Variants in OR9Q1 observed in about 807,000 individuals in gnomAD.
OR9Q1 encodes the protein olfactory receptor 9Q1.
For missense variants in OR9Q1, 374 were observed against 378.8 expected (o/e 0.99, Z 0.11); for synonymous variants, 153 against 148.6 (o/e 1.03, Z -0.22).
At chr11:58,134,595 G>T (rs1854173639) in intron 2 of OR9Q1, among the ~76,000 whole-genome samples, 1 of 152,228 alleles carries the variant, frequency 6.6e-6, no homozygotes, top group African/African-American at 2.4e-5. Context: ...AGAAGTGTAA[G>T]AGATTTAGGG....
At chr11:58,139,629 C>T (rs1038931879) in intron 2 of OR9Q1, among the ~76,000 whole-genome samples, 2 of 152,066 alleles carry the variant, frequency 1.3e-5, no homozygotes, top group Non-Finnish European at 2.9e-5. Flanking sequence ...TTTTTTATGG[C>T]TGCATAGTAT....
At chr11:58,027,074 T>G (rs1443838225) in intron 1 of OR9Q1, among the ~76,000 whole-genome samples, 1 of 152,186 alleles carries the variant, frequency 6.6e-6, no homozygotes, top group African/African-American at 2.4e-5. Context: ...TGATTTGGAA[T>G]TCAAGAAAAG....
intron 2 of OR9Q1, among the ~76,000 whole-genome samples, chr11:58,088,716 G>A (rs1018878303): frequency 6.6e-6 from 1 of 151,690 alleles, no homozygotes; most frequent in Non-Finnish European, 1.5e-5. Flanking sequence ...GTGGATTCTG[G>A]ATATCAGACT....
chr11:58,149,484 C>G (rs1854329634), intron 2 of OR9Q1, among the ~76,000 whole-genome samples: 1 of 152,060 alleles, frequency 6.6e-6, no homozygotes, highest in African/African-American at 2.4e-5. Flanking sequence ...AAAAATTTAC[C>G]ATTTTAACCA....
intron 2 of OR9Q1, among the ~76,000 whole-genome samples, chr11:58,092,114 T>C (rs1284566694): frequency 2.0e-5 from 3 of 152,172 alleles, no homozygotes; most frequent in East Asian, 3.8e-4. Flanking sequence ...CCAGTCTGTG[T>C]CTCTTAATTG....
chr11:58,150,957 G>C (rs999206333), intron 2 of OR9Q1, among the ~76,000 whole-genome samples: 2 of 152,018 alleles, frequency 1.3e-5, no homozygotes, highest in Non-Finnish European at 2.9e-5. Context: ...ATGTGCTTTT[G>C]GTATGATACC....
At chr11:58,039,012 C>T (rs1276223477) in intron 1 of OR9Q1, among the ~76,000 whole-genome samples, 2 of 151,964 alleles carry the variant, frequency 1.3e-5, no homozygotes, top group South Asian at 2.1e-4. Flanking sequence ...TATTTTGAGA[C>T]AGGGTCTCAC....
intron 2 of OR9Q1, among the ~76,000 whole-genome samples, chr11:58,127,883 A>AATTT (rs1000703408): frequency 6.6e-6 from 1 of 152,214 alleles, no homozygotes; most frequent in African/African-American, 2.4e-5. Context: ...CTGCAGCCTG[A>AATTT]GGATATTTGA....
At chr11:58,080,154 A>C (rs960914694) in intron 2 of OR9Q1, among the ~76,000 whole-genome samples, 13 of 152,046 alleles carry the variant, frequency 8.6e-5, no homozygotes, top group African/African-American at 3.1e-4. Context: ...CCCTTCCCCC[A>C]CTAGTAGTCT....
intron 2 of OR9Q1, among the ~76,000 whole-genome samples, chr11:58,133,395 C>G (rs964209698): frequency 4.6e-5 from 7 of 152,192 alleles, no homozygotes; most frequent in Admixed American, 2.0e-4. Context: ...AGTCCAGGCT[C>G]TCTGTGCCAC....
chr11:58,141,007 C>G (rs568830528), intron 2 of OR9Q1, among the ~76,000 whole-genome samples: 1 of 152,176 alleles, frequency 6.6e-6, no homozygotes, highest in East Asian at 1.9e-4. Context: ...CTTCACATCC[C>G]TTGTAAGTTG....
At chr11:58,102,415 C>A (rs894656846) in intron 2 of OR9Q1, among the ~76,000 whole-genome samples, 3 of 152,054 alleles carry the variant, frequency 2.0e-5, no homozygotes, top group Non-Finnish European at 4.4e-5. Flanking sequence ...CTTTCACTTC[C>A]AGATGTAGGA....
chr11:58,047,283 G>A (rs1853226774), intron 1 of OR9Q1: 2 of 152,200 alleles, frequency 1.3e-5, no homozygotes, highest in South Asian at 2.1e-4. Context: ...GAGAGGTGCT[G>A]TGTGGTCTTG....
At chr11:58,091,626 T>A (rs762415724) in intron 2 of OR9Q1, among the ~76,000 whole-genome samples, 3 of 152,166 alleles carry the variant, frequency 2.0e-5, no homozygotes, top group Non-Finnish European at 4.4e-5. Context: ...TTCTGTTGAT[T>A]TGGGGTGGAG....
At chr11:58,083,569 A>T (rs35401618) in intron 2 of OR9Q1, among the ~76,000 whole-genome samples, 2 of 151,624 alleles carry the variant, frequency 1.3e-5, no homozygotes, top group Admixed American at 1.3e-4. Context: ...GTTCTCTTCT[A>T]GATTTTTTTT....
chr11:58,093,759 CA>C (rs71061572), intron 2 of OR9Q1, among the ~76,000 whole-genome samples: 531 of 35,530 alleles, frequency 0.015, no homozygotes, highest in African/African-American at 0.031. Context: ...GACTTCATCT[CA>C]AAAAAAAAAA....
chr11:58,138,858 C>G (rs1359162675), intron 2 of OR9Q1, among the ~76,000 whole-genome samples: 7 of 152,278 alleles, frequency 4.6e-5, no homozygotes, highest in Admixed American at 4.6e-4. Flanking sequence ...CCATAGATTT[C>G]AAGAACTTAT....
intron 1 of OR9Q1, among the ~76,000 whole-genome samples, chr11:58,032,602 A>C (rs1480204701): frequency 6.6e-6 from 1 of 152,236 alleles, no homozygotes; most frequent in East Asian, 1.9e-4. Flanking sequence ...TTATCACCAT[A>C]TTCAAAAATT....
intron 2 of OR9Q1, among the ~76,000 whole-genome samples, chr11:58,176,553 C>T (rs1854608718): frequency 6.6e-6 from 1 of 152,122 alleles, no homozygotes; most frequent in Non-Finnish European, 1.5e-5. Context: ...TGGAATTGAA[C>T]AAAAACCAGT....
Sources: gnomAD v4.1 joint callset for allele counts (sites outside exome capture counted in the v4.1 genomes callset) on GRCh38, gnomAD v4.1.1 for gene constraint, MANE v1.5 for transcripts, NCBI Gene and HGNC (gene_info 2026-07-23, HGNC 2026-07-21) for gene names.